Variants in NEGR1 observed in about 807,000 individuals in gnomAD.
The protein encoded by NEGR1 is IgLON family member 4.
NEGR1 carries 10 observed loss-of-function variants against 40.9 expected under a neutral mutation model. The ratio of observed to expected loss-of-function variants is 0.24; its 90% CI spans 0.15 to 0.42. NEGR1 has a LOEUF of 0.42. Ranked by LOEUF, NEGR1 falls within the 10% of genes least tolerant of loss-of-function variation. NEGR1 has a pLI of 1.00. For missense variants in NEGR1, 352 were observed against 438.9 expected, an observed-to-expected ratio of 0.80 and a Z score of 1.77; for synonymous variants, 185 against 166.8, an observed-to-expected ratio of 1.11 and a Z score of -0.84.
At chr1:71,751,094 T>C (rs952636186) in intron 3 of NEGR1, among the ~76,000 whole-genome samples, 1 of 151,978 alleles carries the variant, frequency 6.6e-6, no homozygotes, top group Non-Finnish European at 1.5e-5. Flanking sequence ...GTTTTTTTTT[T>C]GTTCTTTCTT....
intron 1 of NEGR1, among the ~76,000 whole-genome samples, chr1:72,114,311 T>TG (rs1301209957): frequency 6.6e-6 from 1 of 151,594 alleles, no homozygotes; most frequent in African/African-American, 2.4e-5. Context: ...CCCACACCTC[T>TG]GCCCAGCCCA....
intron 6 of NEGR1, among the ~76,000 whole-genome samples, chr1:71,525,145 T>G (rs1647201271): frequency 6.6e-6 from 1 of 151,776 alleles, no homozygotes; most frequent in Non-Finnish European, 1.5e-5. Context: ...CCATCCATTC[T>G]TTCATTCAAC....
At chr1:72,264,867 G>T (rs114242411) in intron 1 of NEGR1, among the ~76,000 whole-genome samples, 4 of 150,414 alleles carry the variant, frequency 2.7e-5, no homozygotes, top group African/African-American at 9.7e-5. Context: ...CTAAAATAAT[G>T]TACCAAAGTT....
In NEGR1 at chr1:72,113,962, T is replaced by A. The variant is rs1336698954; in HGVS notation, c.176+168357A>T. On this transcript the variant is annotated intron_variant, in intron 1 of 6. Coordinates refer to ENST00000357731, the MANE Select transcript of NEGR1 (RefSeq NM_173808.3). The stretch of plus-strand genomic sequence containing the variant: ...CTATTGAAACCACATCCTCTACTTT[T>A]CTATGTATAAACACTTGTGTAATGT... Among the ~76,000 whole-genome samples the A allele has an allele frequency of 5.9e-5, 9 of 151,744 alleles. No individual in the cohort carries two copies. In the East Asian group the frequency reaches 1.6e-3, roughly 26 times the overall value.
chr1:72,044,034 C>A (rs1569869594), intron 1 of NEGR1, among the ~76,000 whole-genome samples: 1 of 151,782 alleles, frequency 6.6e-6, no homozygotes, highest in African/African-American at 2.4e-5. Context: ...AAGTAAAAGC[C>A]TTTATCATCA....
intron 1 of NEGR1, among the ~76,000 whole-genome samples, chr1:72,203,487 T>C (rs573242130): frequency 5.3e-5 from 8 of 152,246 alleles, no homozygotes; most frequent in South Asian, 2.1e-4. Context: ...TTGCTTCTTA[T>C]AGATGAGCAA....
intron 1 of NEGR1, among the ~76,000 whole-genome samples, chr1:71,966,238 C>T (rs1288713701): frequency 6.6e-6 from 1 of 152,172 alleles, no homozygotes; most frequent in Admixed American, 6.6e-5. Flanking sequence ...TTAATTACAG[C>T]ACAGCTACTT....
chr1:72,121,448 A>C (rs1284362171), intron 1 of NEGR1, among the ~76,000 whole-genome samples: 1 of 151,980 alleles, frequency 6.6e-6, no homozygotes, highest in East Asian at 1.9e-4. Context: ...GAGAAGATAG[A>C]AATAAAACTG....
chr1:71,721,630 T>C (rs551037427), intron 3 of NEGR1, among the ~76,000 whole-genome samples: 3 of 152,252 alleles, frequency 2.0e-5, no homozygotes, highest in African/African-American at 7.2e-5. Context: ...GTCCTGCACA[T>C]TGTAGGATGT....
At chr1:71,567,506 T>C (rs1411131684) in intron 6 of NEGR1, among the ~76,000 whole-genome samples, 3 of 152,176 alleles carry the variant, frequency 2.0e-5, no homozygotes, top group Non-Finnish European at 2.9e-5. Flanking sequence ...TGGTTATTTA[T>C]ATGTAGCTGC....
intron 2 of NEGR1, among the ~76,000 whole-genome samples, chr1:71,780,732 G>T (rs186131507): frequency 6.6e-6 from 1 of 152,254 alleles, no homozygotes; most frequent in African/African-American, 2.4e-5. Context: ...CTTTTATTTA[G>T]TTGGTTCCAC....
chr1:71,799,775 C>G (rs759716917), intron 2 of NEGR1, among the ~76,000 whole-genome samples: 2 of 151,964 alleles, frequency 1.3e-5, no homozygotes, highest in African/African-American at 2.4e-5. Context: ...TGCAGAGGCA[C>G]GATCTTGGCT....
At chr1:71,576,610 T>C (rs1182889986) in intron 6 of NEGR1, among the ~76,000 whole-genome samples, 1 of 152,216 alleles carries the variant, frequency 6.6e-6, no homozygotes, top group East Asian at 1.9e-4. Context: ...GGTTTTCTTT[T>C]CATATCTATC....
At chr1:71,950,864 C>T (rs115621279) in intron 1 of NEGR1, among the ~76,000 whole-genome samples, 3,463 of 151,928 alleles carry the variant, frequency 0.023, 60 homozygotes, top group South Asian at 0.056. Context: ...ACATGGATAC[C>T]ATACGATATA....
At chr1:71,666,355 A>C (rs1652241278) in intron 4 of NEGR1, among the ~76,000 whole-genome samples, 1 of 152,174 alleles carries the variant, frequency 6.6e-6, no homozygotes, top group Non-Finnish European at 1.5e-5. Context: ...ACAGGCTAAG[A>C]AGGCCCTTGG....
At chr1:71,868,559 G>T (rs145214573) in intron 2 of NEGR1, among the ~76,000 whole-genome samples, 1 of 151,780 alleles carries the variant, frequency 6.6e-6, no homozygotes, top group East Asian at 1.9e-4. Flanking sequence ...TCACTTCCAG[G>T]AACTTGCAAG....
At position 71,734,788 on chromosome 1, in the gene NEGR1, T is replaced by G. The variant is rs541347206; in HGVS notation, c.536-36649A>C. Among the ~76,000 whole-genome samples, 31 of 152,260 alleles carry G rather than the reference T, an allele frequency of 2.0e-4. No individual in the cohort carries two copies. The South Asian group carries it at 5.8e-3, about 29-fold the overall frequency. On this transcript the variant is annotated intron_variant, in intron 3 of 6. Transcript: ENST00000357731. ...AAATTCATCAGTGCCCTAATAATTT[T>G]AAATGCAGTGGGCCGAGTCATTGTC...
chr1:71,410,748 C>T (rs1001064428), intron 6 of NEGR1, among the ~76,000 whole-genome samples: 4 of 152,060 alleles, frequency 2.6e-5, no homozygotes, highest in African/African-American at 9.7e-5. Context: ...GTGTATATGA[C>T]TGTTGAACTG....
chr1:71,608,389 C>T (rs1439700809), intron 5 of NEGR1, among the ~76,000 whole-genome samples: 3 of 151,386 alleles, frequency 2.0e-5, no homozygotes, highest in Non-Finnish European at 2.9e-5. Flanking sequence ...TGTAGTCCAT[C>T]TCTACAGTAG....
Sources: gnomAD v4.1 joint callset for allele counts (sites outside exome capture counted in the v4.1 genomes callset) on GRCh38, gnomAD v4.1.1 for gene constraint, MANE v1.5 for transcripts, NCBI Gene and HGNC (gene_info 2026-07-23, HGNC 2026-07-21) for gene names.